DOCK4: variants seen among roughly 807,000 people sequenced by gnomAD.
DOCK4 encodes dedicator of cytokinesis 4.
In DOCK4, 97 loss-of-function variants were observed where a neutral mutation model predicts 268.1. The observed-to-expected ratio is 0.36, with a 90% confidence interval of 0.31 to 0.43. The LOEUF (loss-of-function observed/expected upper bound fraction) is 0.43, where lower values mean the gene tolerates loss of function less well. DOCK4 is among the 20% of genes least tolerant of loss of function. The probability of loss-of-function intolerance (pLI) is 1.00; values close to 1 mark genes in which losing one functional copy is unlikely to be tolerated. For synonymous variants in DOCK4, 954 were observed against 887.2 expected (o/e 1.08, Z -1.34); for missense variants, 2,145 against 2,455.7 (o/e 0.87, Z 2.67).
rs1303586392 is a variant in DOCK4 at position 111,735,037 on chromosome 7, A to G, written c.5419+17T>C. 6.5e-7 allele frequency: 1 copy of G among 1,538,594 alleles called. No individual in the cohort carries two copies. The highest frequency in any genetic ancestry group is 8.8e-7 in the Non-Finnish European group (1 of 1,130,224). ...TTATTTTATAAAAGTGATCATTCAA[A>G]TTCTTCAAATACCCACCAGTCTGTG... On this transcript the variant is annotated intron_variant, in intron 51 of 52. Transcript: ENST00000428084.
intron 1 of DOCK4, among the ~76,000 whole-genome samples, chr7:112,179,518 G>GT (rs1362221473): frequency 1.5e-5 from 2 of 129,616 alleles, no homozygotes; most frequent in East Asian, 1.9e-4. Context: ...AAAAGGTGTT[G>GT]TTTTTTTGTT....
intron 1 of DOCK4, among the ~76,000 whole-genome samples, chr7:112,163,754 C>T (rs191837182): frequency 2.6e-5 from 4 of 152,164 alleles, no homozygotes; most frequent in Admixed American, 2.6e-4. Flanking sequence ...TAAATTGCCC[C>T]AGACCCACAG....
intron 52 of DOCK4, among the ~76,000 whole-genome samples, chr7:111,730,555 TAGACC>T (rs1400639076): frequency 5.3e-5 from 8 of 152,260 alleles, no homozygotes; most frequent in Admixed American, 3.9e-4. Context: ...TGTCAAAAGT[TAGACC>T]TGAAATTCAA....
At chr7:112,079,851 A>G (rs1424381871) in intron 1 of DOCK4, among the ~76,000 whole-genome samples, 1 of 152,206 alleles carries the variant, frequency 6.6e-6, no homozygotes, top group Non-Finnish European at 1.5e-5. Flanking sequence ...CATCATCTTC[A>G]TTATTTTCTA....
intron 1 of DOCK4, among the ~76,000 whole-genome samples, chr7:112,047,203 T>C (rs57019482): frequency 0.036 from 5,412 of 152,208 alleles, 306 homozygotes; most frequent in African/African-American, 0.12. Context: ...CTGCCCCAAC[T>C]AACAAAACCT....
intron 20 of DOCK4, among the ~76,000 whole-genome samples, chr7:111,871,116 A>G (rs1291267616): frequency 1.3e-5 from 2 of 152,336 alleles, no homozygotes; most frequent in East Asian, 3.9e-4. Context: ...ACCTTTATAT[A>G]TTACATAGAT....
chr7:112,120,069 G>A (rs973266255), intron 1 of DOCK4, among the ~76,000 whole-genome samples: 20 of 151,984 alleles, frequency 1.3e-4, no homozygotes, highest in Non-Finnish European at 1.9e-4. Flanking sequence ...GGATGGTCTC[G>A]ATCTCCTGAC....
intron 1 of DOCK4, among the ~76,000 whole-genome samples, chr7:112,033,288 C>T (rs1283106881): frequency 6.6e-6 from 1 of 152,080 alleles, no homozygotes; most frequent in East Asian, 1.9e-4. Flanking sequence ...TTACCTACTG[C>T]TTGAGGCTTA....
At chr7:111,900,701 G>T (rs975498253) in intron 14 of DOCK4, among the ~76,000 whole-genome samples, 165 bp from the exon 15 acceptor site, 1 of 152,226 alleles carries the variant, frequency 6.6e-6, no homozygotes, top group African/African-American at 2.4e-5. Flanking sequence ...GCTTAGCGGG[G>T]TGTATCTATT....
intron 8 of DOCK4, among the ~76,000 whole-genome samples, chr7:111,968,755 G>A (rs2135042279): frequency 9.5e-6 from 1 of 105,488 alleles, no homozygotes; most frequent in Non-Finnish European, 1.8e-5. Context: ...AAAGACACAT[G>A]CACACGTATG....
intron 30 of DOCK4, among the ~76,000 whole-genome samples, chr7:111,806,396 C>T (rs991259088): frequency 6.6e-6 from 1 of 152,132 alleles, no homozygotes; most frequent in Admixed American, 6.6e-5. Context: ...CTAGCTATTG[C>T]ACAACAGCAA....
chr7:111,857,149 A>C (rs1399365602), intron 23 of DOCK4, among the ~76,000 whole-genome samples: 2 of 152,252 alleles, frequency 1.3e-5, no homozygotes, highest in Non-Finnish European at 2.9e-5. Context: ...CATCAACTGT[A>C]GTAAGATTTT....
At chr7:112,090,856 G>A (rs1168243667) in intron 1 of DOCK4, among the ~76,000 whole-genome samples, 2 of 152,306 alleles carry the variant, frequency 1.3e-5, no homozygotes, top group East Asian at 3.9e-4. Context: ...ATCAATTGCA[G>A]TTCAGGGTAA....
At chr7:111,953,341 G>C (rs1187514782) in intron 8 of DOCK4, among the ~76,000 whole-genome samples, 1 of 152,146 alleles carries the variant, frequency 6.6e-6, no homozygotes, top group Non-Finnish European at 1.5e-5. Context: ...GGAATAATGA[G>C]AAGAGCTAAG....
intron 22 of DOCK4, among the ~76,000 whole-genome samples, chr7:111,864,050 C>T (rs1296353695): frequency 4.6e-5 from 7 of 152,158 alleles, no homozygotes; most frequent in Non-Finnish European, 8.8e-5. Context: ...ATCTAAGTTA[C>T]ACATAGTATT....
At chr7:112,000,759 A>C (rs1379551239) in intron 2 of DOCK4, among the ~76,000 whole-genome samples, 2 of 152,218 alleles carry the variant, frequency 1.3e-5, no homozygotes, top group Non-Finnish European at 2.9e-5. Context: ...AAATTTTTAT[A>C]AACAACAGAA....
intron 1 of DOCK4, among the ~76,000 whole-genome samples, chr7:112,021,278 A>G (rs932933456): frequency 6.6e-6 from 1 of 152,220 alleles, no homozygotes; most frequent in African/African-American, 2.4e-5. Context: ...GTTCTTAGCT[A>G]TGTTTTATAT....
At chr7:112,110,253 C>T (rs904949341) in intron 1 of DOCK4, among the ~76,000 whole-genome samples, 59 of 152,156 alleles carry the variant, frequency 3.9e-4, no homozygotes, top group African/African-American at 1.3e-3. Context: ...AAAAACATTG[C>T]TAACACTTGC....
At chr7:112,149,548 A>C (rs1815852225) in intron 1 of DOCK4, among the ~76,000 whole-genome samples, 1 of 150,844 alleles carries the variant, frequency 6.6e-6, no homozygotes, top group Non-Finnish European at 1.5e-5. Flanking sequence ...ATTATAAAAA[A>C]CATACAACAT....
Sources: gnomAD v4.1 joint callset for allele counts (sites outside exome capture counted in the v4.1 genomes callset) on GRCh38, gnomAD v4.1.1 for gene constraint, MANE v1.5 for transcripts, NCBI Gene and HGNC (gene_info 2026-07-23, HGNC 2026-07-21) for gene names.